Variants in CEP162 observed in about 807,000 individuals in gnomAD.
CEP162 encodes the protein centrosomal protein of 162 kDa.
A neutral mutation model predicts 169.2 loss-of-function variants in CEP162; 141 were observed. The ratio of observed to expected loss-of-function variants is 0.83; its 90% CI spans 0.73 to 0.96. The LOEUF is 0.96. CEP162 is among the 40% of genes least tolerant of loss of function. The pLI is 0.00. For missense variants in CEP162, 1,600 were observed against 1,587.2 expected, an observed-to-expected ratio of 1.01 and a Z score of -0.14; for synonymous variants, 540 against 526.4, an observed-to-expected ratio of 1.03 and a Z score of -0.35.
chr6:84,223,706 G>A (rs924043564), intron 2 of CEP162, among the ~76,000 whole-genome samples: 4 of 149,668 alleles, frequency 2.7e-5, no homozygotes, highest in East Asian at 2.0e-4. Flanking sequence ...CAGGTGTTTC[G>A]GACCAGACTG....
chr6:84,154,166 G>GA (rs1173224343), intron 22 of CEP162, among the ~76,000 whole-genome samples: 3 of 152,130 alleles, frequency 2.0e-5, no homozygotes, highest in African/African-American at 7.2e-5. Flanking sequence ...GCTGCAAAAA[G>GA]AAACAAGTTA....
At chr6:84,187,673 G>C (rs1010778826) in intron 11 of CEP162, among the ~76,000 whole-genome samples, 3 of 152,150 alleles carry the variant, frequency 2.0e-5, no homozygotes, top group African/African-American at 4.8e-5. Flanking sequence ...TAGGATGGCA[G>C]GAAACTGATA....
chr6:84,191,027 C>T (rs552112972), intron 11 of CEP162, among the ~76,000 whole-genome samples: 1 of 152,224 alleles, frequency 6.6e-6, no homozygotes, highest in South Asian at 2.1e-4. Flanking sequence ...GCTTAAGTTC[C>T]TTATAGATTC....
At chr6:84,163,645 C>T (rs767288691) in intron 18 of CEP162, among the ~76,000 whole-genome samples, 1 of 151,802 alleles carries the variant, frequency 6.6e-6, no homozygotes, top group Non-Finnish European at 1.5e-5. Flanking sequence ...AATTGCTGTA[C>T]AGTCAGTTAA....
chr6:84,215,739 T>G, intron 4 of CEP162, 37 bp downstream of exon 4: 1 of 1,545,758 alleles, frequency 6.5e-7, no homozygotes, highest in Non-Finnish European at 8.7e-7. Context: ...GCATAACAAT[T>G]AATAATTTAC....
At chr6:84,164,866 C>T (rs1200423291) in intron 18 of CEP162, among the ~76,000 whole-genome samples, 2 of 150,824 alleles carry the variant, frequency 1.3e-5, no homozygotes, top group East Asian at 3.9e-4. Flanking sequence ...GTAAAATAAA[C>T]AAAACAAAAC....
intron 13 of CEP162, among the ~76,000 whole-genome samples, chr6:84,181,845 G>T (rs2099534971): frequency 6.6e-6 from 1 of 151,914 alleles, no homozygotes; most frequent in Admixed American, 6.6e-5. Flanking sequence ...TGTAAGTTGG[G>T]GATATAATAT....
rs561902529 is a variant in CEP162 at position 84,179,910 on chromosome 6, G to C, written c.1664-4563C>G. Among the ~76,000 whole-genome samples, 352 of 152,202 alleles carry C rather than the reference G, an allele frequency of 2.3e-3. 1 individual carries two copies. The highest frequency in any genetic ancestry group is 8.3e-3 in the African/African-American group (344 of 41,518). ...ACGGATTCACAGCCAAATTCTACCA[G>C]AGGTACAAGAAGGAGCTGGTACCAT... On this transcript the variant is annotated intron_variant, in intron 13 of 26. Coordinates refer to ENST00000403245, the MANE Select transcript of CEP162 (RefSeq NM_014895.4).
rs1414634375 is a variant in CEP162, at chr6:84,155,442, T to C, written c.2850A>G (p.Ala950=). 9 of 1,612,936 alleles carry C rather than the reference T, an allele frequency of 5.6e-6. No individual in the cohort carries two copies. The highest frequency in any genetic ancestry group is 1.1e-5 in the South Asian group (1 of 91,070). The change falls in exon 22 of 27, where the codon GCA becomes GCG. Residue 950 remains alanine, a synonymous_variant. Coordinates refer to ENST00000403245, the MANE Select transcript of CEP162 (RefSeq NM_014895.4). The part of the protein sequence containing the change: ...PNSLPALILA[A]SAAGDTVDKN... ...TATCCACTGTATCACCAGCTGCTGA[T>C]GCAGCCAATATTAAAGCAGGTAAAG...
At chr6:84,205,920 C>G (rs1326261864) in intron 6 of CEP162, among the ~76,000 whole-genome samples, 9 of 148,542 alleles carry the variant, frequency 6.1e-5, no homozygotes, top group African/African-American at 1.1e-4. Context: ...TTCCTATACA[C>G]CAATAACAGA....
intron 19 of CEP162, 51 bp downstream of exon 19, chr6:84,163,093 A>G: frequency 1.3e-6 from 2 of 1,568,592 alleles, no homozygotes; most frequent in East Asian, 2.2e-5. Flanking sequence ...TAAATTCAAC[A>G]TTAGAACAGT....
intron 11 of CEP162, among the ~76,000 whole-genome samples, chr6:84,189,139 C>A (rs2099538548): frequency 1.3e-5 from 2 of 152,054 alleles, no homozygotes; most frequent in African/African-American, 4.8e-5. Context: ...GAAACCTCTG[C>A]CTCTTGGGTT....
chr6:84,124,763 A>G lies in CEP162; in HGVS notation c.*307T>C, dbSNP rs985913736. ...TAAAAACCTCACATTATCAATAAAA[A>G]TGTGGCGGAGTATGTTCAATTTTCT... is the stretch of plus-strand genomic sequence containing the variant. On this transcript the variant is annotated 3_prime_UTR_variant, in exon 27 of 27. Transcript: ENST00000403245. The G allele has an allele frequency of 6.0e-6, 2 of 332,454 alleles. No homozygotes were observed. The highest frequency in any genetic ancestry group is 1.1e-5 in the Non-Finnish European group (2 of 183,936). 20.6% of individuals were successfully genotyped at this position (332,454 alleles called of 1,614,324 possible).
At chr6:84,167,681 T>C (rs1191905541) in intron 18 of CEP162, among the ~76,000 whole-genome samples, 2 of 152,212 alleles carry the variant, frequency 1.3e-5, no homozygotes, top group African/African-American at 4.8e-5. Context: ...GTTATTTTTT[T>C]AGTTTGCGCA....
At chr6:84,146,871 G>C in intron 24 of CEP162, 86 bp from the exon 25 acceptor site, 1 of 668,304 alleles carries the variant, frequency 1.5e-6, no homozygotes. Context: ...TCACAAAAGG[G>C]AACTCTTATA....
intron 25 of CEP162, among the ~76,000 whole-genome samples, chr6:84,130,249 T>C (rs530695956): frequency 1.4e-4 from 21 of 152,282 alleles, no homozygotes; most frequent in Non-Finnish European, 1.5e-4. Context: ...TGCTGCTGGA[T>C]TTGGATTGCC....
intron 21 of CEP162, among the ~76,000 whole-genome samples, chr6:84,160,562 T>C (rs1182441580): frequency 6.6e-6 from 1 of 152,210 alleles, no homozygotes; most frequent in African/African-American, 2.4e-5. Flanking sequence ...AGATGTCTAA[T>C]AGAGCTAGGG....
At chr6:84,139,933 G>GCTGGTGTGTTCACAGTTCTCACCAGA (rs1554162649) in intron 25 of CEP162, among the ~76,000 whole-genome samples, 3,659 of 151,254 alleles carry the variant, frequency 0.024, 144 homozygotes, top group African/African-American at 0.086. Context: ...ACCCTCTCAG[G>GCTGGTGTGTTCACAGTTCTCACCAGA]CTGGTGTGTT....
At chr6:84,159,083 ATAGAC>A (rs2099524376) in intron 21 of CEP162, among the ~76,000 whole-genome samples, 1 of 151,626 alleles carries the variant, frequency 6.6e-6, no homozygotes, top group South Asian at 2.1e-4. Flanking sequence ...CTATTTAAGA[ATAGAC>A]TAATTATAAT....
Sources: gnomAD v4.1 joint callset for allele counts (sites outside exome capture counted in the v4.1 genomes callset) on GRCh38, gnomAD v4.1.1 for gene constraint, MANE v1.5 for transcripts, NCBI Gene and HGNC (gene_info 2026-07-23, HGNC 2026-07-21) for gene names.